The following KAZN variants were observed in gnomAD, a reference collection of about 807,000 sequenced individuals.
KAZN encodes the protein kazrin, periplakin interacting protein, also known as kazrin.
In KAZN, 40 loss-of-function variants were observed where a neutral mutation model predicts 87.4. That is an observed-to-expected ratio of 0.46 (90% confidence interval 0.36 to 0.60). The LOEUF is 0.60. Among genes scored for constraint, KAZN ranks in the 20% least tolerant of loss-of-function variants. KAZN has a pLI of 0.00. For synonymous variants in KAZN, 466 were observed against 458.3 expected (o/e 1.02, Z -0.22); for missense variants, 898 against 1,073.9 (o/e 0.84, Z 2.29).
In KAZN at chr1:14,915,525, C is replaced by T. The variant is rs79436395; in HGVS notation, c.227-45159C>T. 4.7e-3 allele frequency among the ~76,000 whole-genome samples: 723 copies of T among 152,288 alleles called. 1 individual carries two copies. Among genetic ancestry groups the T allele is most frequent in the African/African-American group, 0.011 (459 of 41,568 alleles). On this transcript the variant is annotated intron_variant, in intron 1 of 14. Coordinates refer to ENST00000376030, the MANE Select transcript of KAZN (RefSeq NM_201628.3). ...GTCCCACTTGGGGAAGAAGAAGTTC[C>T]GCTAGTAGCCACCAGGGGCAGCAGA...
At position 14,599,237 on chromosome 1, in the gene KAZN, G is replaced by T; in HGVS notation, c.226+14G>T. The T allele has an allele frequency of 7.4e-7, 1 of 1,357,780 alleles. No individual in the cohort carries two copies. Among genetic ancestry groups the T allele is most frequent in the East Asian group, 2.9e-5 (1 of 33,998 alleles). 84.1% of individuals were successfully genotyped at this position (1,357,780 alleles called of 1,614,324 possible). A position where few individuals can be genotyped will look rare whatever the true frequency, so the allele number is the denominator to read the frequency against. On this transcript the variant is annotated intron_variant, in intron 1 of 14. Coordinates refer to ENST00000376030, the MANE Select transcript of KAZN (RefSeq NM_201628.3). This position sits in a 1 kb window ranked among gnomAD's most constrained non-coding sequence, Gnocchi z 4.4. ...TTGGAGCGCAAGGTAGGATCGCCCC[G>T]GCGCCCAGGGCGGAGGAAGGCGAGC...
intron 1 of KAZN, among the ~76,000 whole-genome samples, chr1:14,119,886 T>C (rs1371943396): frequency 2.3e-5 from 3 of 129,010 alleles, no homozygotes; most frequent in Non-Finnish European, 3.3e-5. Flanking sequence ...GTCTTTGCCA[T>C]GTGCCAGGCA....
At chr1:14,589,788 A>T (rs1571996929) in intron 2 of KAZN, among the ~76,000 whole-genome samples, 2 of 152,144 alleles carry the variant, frequency 1.3e-5, no homozygotes, top group African/African-American at 4.8e-5. Flanking sequence ...ATGGGGGCTC[A>T]CGCTGTTCTT....
At chr1:14,538,471 G>T (rs1672625484) in intron 2 of KAZN, among the ~76,000 whole-genome samples, 1 of 152,178 alleles carries the variant, frequency 6.6e-6, no homozygotes, top group Non-Finnish European at 1.5e-5. Flanking sequence ...CAAGACGCTG[G>T]CAGGTTTGGT....
At chr1:14,336,104 G>A (rs1377632168) in intron 2 of KAZN, among the ~76,000 whole-genome samples, 1 of 152,218 alleles carries the variant, frequency 6.6e-6, no homozygotes, top group Non-Finnish European at 1.5e-5. Flanking sequence ...ATGTGAATAG[G>A]TAATGGAGTA....
chr1:14,256,290 G>T (rs1650507083), intron 2 of KAZN, among the ~76,000 whole-genome samples: 1 of 152,056 alleles, frequency 6.6e-6, no homozygotes, highest in South Asian at 2.1e-4. Flanking sequence ...AAGTGTCTCT[G>T]GCCACACAAT....
In KAZN at chr1:14,949,178, A is replaced by ATAATAG. The variant is rs1323988016; in HGVS notation, c.227-11501_227-11500insGTAATA. Among the ~76,000 whole-genome samples the ATAATAG allele has an allele frequency of 1.3e-5, 2 of 149,560 alleles. No individual in the cohort carries two copies. Among genetic ancestry groups the ATAATAG allele is most frequent in the Non-Finnish European group, 3.0e-5 (2 of 67,518 alleles). The stretch of plus-strand genomic sequence containing the variant: ...AAAAATAATAATAATAATAATAATA[A>ATAATAG]TAATAATAATAAGTAATTTGTCTGT... On this transcript the variant is annotated intron_variant, in intron 1 of 14. Coordinates refer to ENST00000376030, the MANE Select transcript of KAZN (RefSeq NM_201628.3). The surrounding 1 kb of genome is among the most constrained non-coding windows in gnomAD (Gnocchi z 4.3).
chr1:14,131,473 CT>C (rs1455592565), intron 1 of KAZN, among the ~76,000 whole-genome samples: 1 of 152,126 alleles, frequency 6.6e-6, no homozygotes, highest in East Asian at 1.9e-4. Flanking sequence ...CTAAAACAAA[CT>C]TAGTGTAGAA....
At chr1:15,047,354 G>C (rs1418525278) in intron 4 of KAZN, among the ~76,000 whole-genome samples, 2 of 152,154 alleles carry the variant, frequency 1.3e-5, no homozygotes, top group East Asian at 3.9e-4. Context: ...TAAGTCCTGG[G>C]TTGCAAGCAA....
At chr1:15,035,799 A>G (rs2100229887) in intron 3 of KAZN, among the ~76,000 whole-genome samples, 1 of 152,248 alleles carries the variant, frequency 6.6e-6, no homozygotes, top group Non-Finnish European at 1.5e-5. Flanking sequence ...AGATCACCCC[A>G]CTGCACTCCA....
chr1:14,801,357 T>A (rs1572517074), intron 1 of KAZN, among the ~76,000 whole-genome samples: 1 of 152,138 alleles, frequency 6.6e-6, no homozygotes, highest in East Asian at 1.9e-4. Flanking sequence ...GTCGGTTTCG[T>A]GACGAGGGGT....
chr1:14,938,279 C>A (rs1007670122), intron 1 of KAZN, among the ~76,000 whole-genome samples: 1 of 152,204 alleles, frequency 6.6e-6, no homozygotes, highest in African/African-American at 2.4e-5. Context: ...CGGTGGCTCA[C>A]GCCTGTAATC....
intron 2 of KAZN, among the ~76,000 whole-genome samples, chr1:14,546,504 T>G (rs1373560988): frequency 6.6e-6 from 1 of 152,010 alleles, no homozygotes; most frequent in Non-Finnish European, 1.5e-5. Context: ...CAGTTCTAAA[T>G]TGTTTCCTAA....
chr1:14,082,022 G>A lies in KAZN; in HGVS notation c.92-98413G>A, dbSNP rs191103493. 1.4e-3 allele frequency among the ~76,000 whole-genome samples: 213 copies of A among 152,060 alleles called. 8 individuals are homozygous for A. The South Asian group carries it at 0.04, about 28-fold the overall frequency. On this transcript the variant is annotated intron_variant, in intron 1 of 16. Coordinates refer to the KAZN transcript ENST00000636203. ...AACTCCTGGCTCAAGTGATCCTCCC[G>A]TCTCTGCCTCTCAAAGTGCTGGGAT...
chr1:14,702,253 G>A (rs148108007), intron 1 of KAZN, among the ~76,000 whole-genome samples: 71 of 151,998 alleles, frequency 4.7e-4, no homozygotes, highest in Non-Finnish European at 8.7e-4. Context: ...GCAAACCTCC[G>A]TGCAGGAGTT....
intron 1 of KAZN, among the ~76,000 whole-genome samples, chr1:14,059,131 A>T (rs1362105656): frequency 6.6e-6 from 1 of 152,226 alleles, no homozygotes; most frequent in Non-Finnish European, 1.5e-5. Context: ...GGTTCTCCAG[A>T]GGGACAGACC....
chr1:14,362,517 G>A (rs1163109621), intron 2 of KAZN, among the ~76,000 whole-genome samples: 2 of 152,194 alleles, frequency 1.3e-5, no homozygotes, highest in African/African-American at 4.8e-5. Flanking sequence ...CAAAGGCAGG[G>A]GATCAGACAT....
intron 1 of KAZN, among the ~76,000 whole-genome samples, chr1:14,646,580 G>A (rs1450606195): frequency 6.6e-6 from 1 of 152,132 alleles, no homozygotes; most frequent in Admixed American, 6.5e-5. Context: ...ATTTGCAGCT[G>A]GATGATTCTC....
At position 14,093,273 on chromosome 1, in the gene KAZN, C is replaced by T. The variant is rs181000824; in HGVS notation, c.92-87162C>T. ...CACCTGCTTTAGAAAAGCTTCATAG[C>T]TCCTTAGACCCATGGCTGGCTCTCT... On this transcript the variant is annotated intron_variant, in intron 1 of 16. Transcript: ENST00000636203. Among the ~76,000 whole-genome samples the T allele has an allele frequency of 1.4e-3, 212 of 152,310 alleles. 1 individual carries two copies. The Middle Eastern group carries it at 0.02, about 15-fold the overall frequency.
Sources: gnomAD v4.1 joint callset for allele counts (sites outside exome capture counted in the v4.1 genomes callset) on GRCh38, gnomAD v4.1.1 for gene constraint, Gnocchi (gnomAD v3.1) non-coding constraint, MANE v1.5 for transcripts, NCBI Gene and HGNC (gene_info 2026-07-23, HGNC 2026-07-21) for gene names.